The following RAPGEF5 variants were observed in gnomAD, a reference collection of about 807,000 sequenced individuals.
The protein encoded by RAPGEF5 is M-Ras-regulated GEF.
Under a neutral mutation model 125.2 loss-of-function variants are expected in RAPGEF5, and 65 were observed. The ratio of observed to expected loss-of-function variants is 0.52; its 90% confidence interval spans 0.43 to 0.64. The LOEUF (loss-of-function observed/expected upper bound fraction) is 0.64, where lower values mean the gene tolerates loss of function less well. Among genes scored for constraint, RAPGEF5 ranks in the 30% least tolerant of loss-of-function variants. The probability of loss-of-function intolerance (pLI) is 0.00; values close to 1 mark genes in which losing one functional copy is unlikely to be tolerated. For synonymous variants in RAPGEF5, 391 were observed against 385.9 expected, an observed-to-expected ratio of 1.01 and a Z score of -0.16; for missense variants, 958 against 1,048.1, an observed-to-expected ratio of 0.91 and a Z score of 1.19.
intron 9 of RAPGEF5, among the ~76,000 whole-genome samples, chr7:22,209,775 CCTCA>C (rs1785469804): frequency 6.6e-6 from 1 of 152,052 alleles, no homozygotes; most frequent in Non-Finnish European, 1.5e-5. Flanking sequence ...CACTTTAGGG[CCTCA>C]CAAAATCTAA....
intron 11 of RAPGEF5, among the ~76,000 whole-genome samples, chr7:22,167,448 T>C (rs1784206518): frequency 6.6e-6 from 1 of 152,220 alleles, no homozygotes; most frequent in Non-Finnish European, 1.5e-5. Flanking sequence ...GTAAAGATGA[T>C]ATAGAAAACA....
At chr7:22,178,882 G>A (rs1396541935) in intron 11 of RAPGEF5, among the ~76,000 whole-genome samples, 1 of 152,098 alleles carries the variant, frequency 6.6e-6, no homozygotes, top group Non-Finnish European at 1.5e-5. Context: ...GTCATGCCTT[G>A]TCTTTCTGGC....
intron 1 of RAPGEF5, among the ~76,000 whole-genome samples, chr7:22,351,216 A>G (rs1784323464): frequency 6.6e-6 from 1 of 152,036 alleles, no homozygotes; most frequent in African/African-American, 2.4e-5. Context: ...AGCTATTTTT[A>G]ATTTAAGTAA....
intron 7 of RAPGEF5, among the ~76,000 whole-genome samples, chr7:22,242,567 C>G (rs752765479): frequency 1.3e-5 from 2 of 152,176 alleles, no homozygotes; most frequent in Non-Finnish European, 2.9e-5. Context: ...CTCCAACAAT[C>G]CCTGCATGCC....
At chr7:22,261,235 C>T (rs1436120101) in intron 7 of RAPGEF5, among the ~76,000 whole-genome samples, 1 of 151,616 alleles carries the variant, frequency 6.6e-6, no homozygotes, top group Non-Finnish European at 1.5e-5. Flanking sequence ...TTATTATTTA[C>T]AATGGAAAAA....
intron 11 of RAPGEF5, among the ~76,000 whole-genome samples, chr7:22,189,158 C>CT (rs796311930): frequency 9.6e-5 from 14 of 145,898 alleles, no homozygotes; most frequent in South Asian, 4.3e-4. Flanking sequence ...TCTCTGTTGG[C>CT]TTTTTTTTTT....
intron 9 of RAPGEF5, among the ~76,000 whole-genome samples, chr7:22,212,240 T>C (rs955297803): frequency 9.9e-5 from 15 of 152,196 alleles, no homozygotes; most frequent in Non-Finnish European, 2.1e-4. Flanking sequence ...CCCAAAGTGC[T>C]GGGATTACAG....
intron 21 of RAPGEF5, among the ~76,000 whole-genome samples, chr7:22,138,295 A>G (rs927873132): frequency 1.3e-5 from 2 of 152,134 alleles, no homozygotes; most frequent in African/African-American, 2.4e-5. Flanking sequence ...GATTGCTGCC[A>G]CGCCCCTTCA....
rs751759222 is a variant in RAPGEF5 at position 22,154,519 on chromosome 7, G to A, written c.1722C>T (p.Val574=). ...CTGCATACTGGATCTTTTCTGCCAC[G>A]ACTTTTAGGATCTCTTGGGCTATAC... ...VSSIAQEILK[V]VAEKIQYAEE... is the part of the protein sequence containing the mutation. Residue 574 remains valine, a synonymous_variant, in exon 17 of 26, where the codon GTC becomes GTT. Transcript: ENST00000665637. 7 of 1,613,694 alleles carry A rather than the reference G, an allele frequency of 4.3e-6. No homozygotes were observed. Among genetic ancestry groups the A allele is most frequent in the African/African-American group, 2.7e-5 (2 of 74,906 alleles).
At chr7:22,127,040 C>CTTT (rs11460551) in intron 24 of RAPGEF5, among the ~76,000 whole-genome samples, 30 of 132,834 alleles carry the variant, frequency 2.3e-4, no homozygotes, top group African/African-American at 5.7e-4. Context: ...CAAAAGTCTT[C>CTTT]TTTTTTTTTT....
rs867848711 is a variant in RAPGEF5, at chr7:22,302,299, T to C, written c.680+6040A>G. On this transcript the variant is annotated intron_variant, in intron 5 of 25. Transcript: ENST00000665637. ...TAGCCAGTCAGGACAGAGAGGGGGC[T>C]GTTTCAGCAGAAGCCATGTGGCTGA... Among the ~76,000 whole-genome samples the C allele has an allele frequency of 3.3e-5, 5 of 152,306 alleles. 1 individual carries two copies. The Middle Eastern group carries it at 0.017, about 518-fold the overall frequency.
At chr7:22,274,209 G>A (rs1676887292) in intron 6 of RAPGEF5, among the ~76,000 whole-genome samples, 1 of 151,986 alleles carries the variant, frequency 6.6e-6, no homozygotes, top group South Asian at 2.1e-4. Context: ...TCACTCACAT[G>A]ACTTCAATTA....
chr7:22,134,897 A>G lies in RAPGEF5; in HGVS notation c.2416+1141T>C, dbSNP rs545235952. Among the ~76,000 whole-genome samples, 17 of 152,346 alleles carry G rather than the reference A, an allele frequency of 1.1e-4. No individual in the cohort carries two copies. The South Asian group carries it at 3.3e-3, about 30-fold the overall frequency. On this transcript the variant is annotated intron_variant, in intron 23 of 25. Transcript: ENST00000665637. The stretch of plus-strand genomic sequence containing the variant: ...TAACAGAATATTTTCGGCTTGGATG[A>G]CGCATCTGTGCATATCTATCTCCAT...
At chr7:22,252,979 T>C (rs1786662123) in intron 7 of RAPGEF5, among the ~76,000 whole-genome samples, 1 of 152,078 alleles carries the variant, frequency 6.6e-6, no homozygotes. Flanking sequence ...ATACAACCCA[T>C]CAAACATTGA....
At chr7:22,123,162 G>A (rs941526331) in intron 25 of RAPGEF5, among the ~76,000 whole-genome samples, 2 of 152,184 alleles carry the variant, frequency 1.3e-5, no homozygotes, top group African/African-American at 4.8e-5. Context: ...TCTACCCAGA[G>A]AAGGACAAGA....
At position 22,156,858 on chromosome 7, in the gene RAPGEF5, T is replaced by C. The variant is rs1370445500; in HGVS notation, c.1588A>G (p.Lys530Glu). ...NKALFHQFSLKENWLQHRGTV... is the reference protein window; with the variant it reads ...NKALFHQFSLEENWLQHRGTV... ...CCTCTATGCTGGAGCCAGTTCTCCT[T>C]AAGACTGAATTGGTGGAAAAGGGCT... The change falls in exon 16 of 26, where the codon AAG (lysine) becomes GAG (glutamate). Residue 530 changes from lysine to glutamate, a missense_variant. By Grantham distance (56) the Lys-to-Glu change is moderately conservative (BLOSUM62 1). Transcript: ENST00000665637. 1.1e-5 allele frequency: 18 copies of C among 1,614,002 alleles called. No homozygotes were observed. Among genetic ancestry groups the C allele is most frequent in the Non-Finnish European group, 1.4e-5 (17 of 1,179,866 alleles).
chr7:22,281,754 C>T (rs1382318844), intron 6 of RAPGEF5, among the ~76,000 whole-genome samples: 1 of 152,212 alleles, frequency 6.6e-6, no homozygotes, highest in Non-Finnish European at 1.5e-5. Flanking sequence ...GAACCTCATT[C>T]TCCTTCGCTA....
chr7:22,255,300 A>G (rs1786731413), intron 7 of RAPGEF5, among the ~76,000 whole-genome samples: 1 of 152,168 alleles, frequency 6.6e-6, no homozygotes, highest in African/African-American at 2.4e-5. Flanking sequence ...GCTAAACACA[A>G]TAAGCTAGCT....
intron 5 of RAPGEF5, among the ~76,000 whole-genome samples, chr7:22,301,094 T>C (rs1174807723): frequency 6.6e-6 from 1 of 152,238 alleles, no homozygotes; most frequent in Non-Finnish European, 1.5e-5. Context: ...CCTGCTTTTG[T>C]TTACTTTTGA....
Sources: allele counts gnomAD v4.1 joint callset (sites outside exome capture counted in the v4.1 genomes callset), GRCh38; gene constraint gnomAD v4.1.1; transcripts MANE v1.5; gene names NCBI Gene and HGNC (gene_info 2026-07-23, HGNC 2026-07-21).